RADIL: variants seen among roughly 807,000 people sequenced by gnomAD.
RADIL encodes the protein Rap associating with DIL domain, also known as ras-associating and dilute domain-containing protein.
RADIL carries 99 observed loss-of-function variants against 97.6 expected under a neutral mutation model. The observed-to-expected ratio is 1.01, with a 90% CI of 0.86 to 1.20. The LOEUF (loss-of-function observed/expected upper bound fraction) is 1.20. RADIL is among the 50% of genes most tolerant of loss of function. RADIL has a pLI of 0.00. For missense variants in RADIL, 1,765 were observed against 1,498.9 expected (o/e 1.18, Z -2.93); for synonymous variants, 803 against 691.8 (o/e 1.16, Z -2.52).
rs377751700 is a variant in RADIL at position 4,861,478 on chromosome 7, T to C, written c.535+16127A>G. On this transcript the variant is annotated intron_variant, in intron 2 of 14. Transcript: ENST00000399583. ...CGCACAAGGCGTCAATATCTGCGCC[T>C]TTCGTATGTACTCCTAATCTGTAAG... 3.5e-5 allele frequency: 56 copies of C among 1,614,020 alleles called. No homozygotes were observed. The African/African-American group carries it at 6.3e-4, about 18-fold the overall frequency.
In RADIL at chr7:4,807,126, G is replaced by C. The variant is rs759395032; in HGVS notation, c.2140-1410C>G. The stretch of plus-strand genomic sequence containing the variant: ...GTGGCCTCGCTGCTGGGTCCCCTCT[G>C]TTCTCACCTTTGCCTCCTCGCTCTG... On this transcript the variant is annotated intron_variant, in intron 9 of 14. Transcript: ENST00000399583. 3.9e-5 allele frequency among the ~76,000 whole-genome samples: 6 copies of C among 152,164 alleles called. No homozygotes were observed. In the East Asian group the frequency reaches 1.2e-3, roughly 29 times the overall value.
At chr7:4,810,768 T>C (rs886226317) in intron 9 of RADIL, among the ~76,000 whole-genome samples, 1 of 152,078 alleles carries the variant, frequency 6.6e-6, no homozygotes, top group African/African-American at 2.4e-5. Flanking sequence ...CACCTGAGGG[T>C]TCAAACCACT....
intron 9 of RADIL, chr7:4,809,279 C>T (rs145573894): frequency 0.025 from 24,593 of 985,380 alleles, 373 homozygotes; most frequent in Middle Eastern, 0.056. Context: ...CGGGGCCCCC[C>T]TTCCATCACG....
At chr7:4,826,043 GA>G (rs1007253294) in intron 5 of RADIL, among the ~76,000 whole-genome samples, 1 of 151,566 alleles carries the variant, frequency 6.6e-6, no homozygotes, top group Admixed American at 6.6e-5. Context: ...TGTCTCTACA[GA>G]AAAAATCAAA....
chr7:4,871,533 C>G (rs1374085561), intron 2 of RADIL, among the ~76,000 whole-genome samples: 1 of 152,206 alleles, frequency 6.6e-6, no homozygotes, highest in Non-Finnish European at 1.5e-5. Context: ...ACAACACAGA[C>G]CTGCCACCCG....
In RADIL at chr7:4,819,872, C is replaced by T. The variant is rs1357911105; in HGVS notation, c.1616-2521G>A. Among the ~76,000 whole-genome samples, 2 of 152,210 alleles carry T rather than the reference C, an allele frequency of 1.3e-5. No homozygotes were observed. The highest frequency in any genetic ancestry group is 3.9e-4 in the East Asian group (2 of 5,188). ...TCCCATCGCCGGGCCAAACACTGCT[C>T]AGGCCCCTGACCAAAAATAACTTCC... is the stretch of plus-strand genomic sequence containing the variant. On this transcript the variant is annotated intron_variant, in intron 6 of 14. Transcript: ENST00000399583. The surrounding 1 kb of genome is among the most constrained non-coding windows in gnomAD (Gnocchi z 5.8).
rs775667728 is a variant in RADIL, at chr7:4,799,775, G to A, written c.2983-6C>T. 3 of 1,518,270 alleles carry A rather than the reference G, an allele frequency of 2.0e-6. No individual in the cohort carries two copies. Among genetic ancestry groups the A allele is most frequent in the Middle Eastern group, 2.0e-4 (1 of 4,932 alleles). The allele number at this position is 1,518,270 out of a possible 1,614,324, so 94.0% of individuals were successfully genotyped here. A position where few individuals can be genotyped will look rare whatever the true frequency, so the allele number is the denominator to read the frequency against. On this transcript the variant is annotated splice_region_variant and splice_polypyrimidine_tract_variant and intron_variant, in intron 13 of 14. Coordinates refer to ENST00000399583, the MANE Select transcript of RADIL (RefSeq NM_018059.5). ...GGGGCGCCCAGGTGCGTGTGCTGGG[G>A]ACAAGCAGAGGCCTCAGAGCTCCGC...
chr7:4,865,600 G>C, intron 2 of RADIL: 1 of 803,502 alleles, frequency 1.2e-6, no homozygotes, highest in Non-Finnish European at 2.3e-6. Flanking sequence ...CAGTGATCTT[G>C]CTCTTGCTCC....
At chr7:4,800,362 C>T (rs3816853) in intron 12 of RADIL, 52 bp from the exon 13 acceptor site, 10 of 1,407,428 alleles carry the variant, frequency 7.1e-6, no homozygotes, top group South Asian at 3.1e-5. Flanking sequence ...GGAATCACGA[C>T]GAGGAATGGG....
In RADIL at chr7:4,832,198, G is replaced by GA; in HGVS notation, c.1417-21dup. On this transcript the variant is annotated intron_variant, in intron 4 of 14. Transcript: ENST00000399583. ...TTTCTCCTACAATTACAAAGCGGGA[G>GA]AAAAAGCAAGTGAGCAAAACAGGCT... The GA allele has an allele frequency of 6.2e-7, 1 of 1,608,468 alleles. No homozygotes were observed.
In RADIL at chr7:4,834,868, C is replaced by G. The variant is rs1053158267; in HGVS notation, c.1155G>C (p.Ala385=). The G allele has an allele frequency of 1.6e-5, 21 of 1,346,130 alleles. No homozygotes were observed. Among genetic ancestry groups the G allele is most frequent in the Admixed American group, 4.0e-5 (1 of 24,942 alleles). 83.4% of individuals were successfully genotyped at this position (1,346,130 alleles called of 1,614,324 possible). A position where few individuals can be genotyped will look rare whatever the true frequency, so the allele number is the denominator to read the frequency against. ...VPQSCRLCGA[A]LGARGAASPT... ...GGGAGGCGGCTCCCCGGGCCCCGAG[C>G]GCGGCCCCGCACAGCCGGCAGCTCT... The change falls in exon 4 of 15, where the codon GCG becomes GCC. Residue 385 remains alanine (A), a synonymous_variant. Coordinates refer to ENST00000399583, the MANE Select transcript of RADIL (RefSeq NM_018059.5). The surrounding 1 kb of genome is among the most constrained non-coding windows in gnomAD (Gnocchi z 6.0).
At position 4,817,109 on chromosome 7, in the gene RADIL, G is replaced by A. The variant is rs1324299868; in HGVS notation, c.1728+130C>T. On this transcript the variant is annotated intron_variant, in intron 7 of 14. Transcript: ENST00000399583. This position sits in a 1 kb window ranked among gnomAD's most constrained non-coding sequence, Gnocchi z 8.3. ...GAACCTGCAGCCACTGCTCCCTGAT[G>A]AAGTGGAGCTTGTCACGGTCCCCTC... 8.1e-6 allele frequency: 6 copies of A among 741,782 alleles called. No homozygotes were observed. The Admixed American group carries it at 1.3e-4, about 16-fold the overall frequency. 46.0% of individuals were successfully genotyped at this position (741,782 alleles called of 1,614,324 possible). A position where few individuals can be genotyped will look rare whatever the true frequency, so the allele number is the denominator to read the frequency against.
chr7:4,856,934 GAGA>G (rs1783847075), intron 2 of RADIL, among the ~76,000 whole-genome samples: 2 of 152,234 alleles, frequency 1.3e-5, no homozygotes, highest in African/African-American at 2.4e-5. Context: ...AGCTGTGACA[GAGA>G]CCGGATGGCT....
chr7:4,824,957 G>A lies in RADIL; in HGVS notation c.1455-2403C>T, dbSNP rs934033947. Among the ~76,000 whole-genome samples, 4 of 152,148 alleles carry A rather than the reference G, an allele frequency of 2.6e-5. No homozygotes were observed. Among genetic ancestry groups the A allele is most frequent in the African/African-American group, 4.8e-5 (2 of 41,426 alleles). On this transcript the variant is annotated intron_variant, in intron 5 of 14. Coordinates refer to ENST00000399583, the MANE Select transcript of RADIL (RefSeq NM_018059.5). This position sits in a 1 kb window ranked among gnomAD's most constrained non-coding sequence, Gnocchi z 6.7. ...CAACTGGAGTTTCGGGATCAGACTCGGGCCAGGTTGGCACTGAACGCGCCC... is the reference window on the plus strand; with the variant it reads ...CAACTGGAGTTTCGGGATCAGACTCAGGCCAGGTTGGCACTGAACGCGCCC...
intron 5 of RADIL, among the ~76,000 whole-genome samples, chr7:4,826,255 T>C (rs1782972892): frequency 1.3e-5 from 2 of 151,854 alleles, no homozygotes. Flanking sequence ...CAAAGAATGA[T>C]TTGAGACACA....
Position 4,803,620 on chromosome 7 carries a change from C to T in RADIL, c.2425G>A (p.Gly809Ser). ...CCGGGGCTGGCTCTGCTCCGCAGAC[C>T]CCACAGAAAGTGGCGGACGTAGAGC... is the stretch of plus-strand genomic sequence containing the variant. Reference protein sequence around the residue: ...HLLYVRHFLWGLRSRASPGSP... With the variant: ...HLLYVRHFLWSLRSRASPGSP... The change falls in exon 11 of 15, where the codon GGT becomes AGT. Residue 809 changes from glycine (G) to serine (S), a missense_variant. Gly to Ser is a moderately conservative substitution (Grantham distance 56). Coordinates refer to ENST00000399583, the MANE Select transcript of RADIL (RefSeq NM_018059.5). 6.5e-7 allele frequency: 1 copy of T among 1,549,810 alleles called. No homozygotes were observed. The highest frequency in any genetic ancestry group is 1.2e-5 in the South Asian group (1 of 84,048).
Position 4,817,807 on chromosome 7 carries a change from C to A in RADIL, c.1616-456G>T, listed in dbSNP as rs913985162. ...ATAAGTCTTTTGGGAAGAAAAAGCCCAAATCAGCTATTTCACCCCCACCCC... is the reference window on the plus strand; with the variant it reads ...ATAAGTCTTTTGGGAAGAAAAAGCCAAAATCAGCTATTTCACCCCCACCCC... On this transcript the variant is annotated intron_variant, in intron 6 of 14. Coordinates refer to ENST00000399583, the MANE Select transcript of RADIL (RefSeq NM_018059.5). The surrounding 1 kb of genome is among the most constrained non-coding windows in gnomAD (Gnocchi z 8.3). Among the ~76,000 whole-genome samples, 3 of 152,188 alleles carry A rather than the reference C, an allele frequency of 2.0e-5. No individual in the cohort carries two copies. The highest frequency in any genetic ancestry group is 7.2e-5 in the African/African-American group (3 of 41,460).
chr7:4,881,431 A>G (rs1319299322), intron 1 of RADIL, among the ~76,000 whole-genome samples: 3 of 144,158 alleles, frequency 2.1e-5, no homozygotes, highest in African/African-American at 5.2e-5. Flanking sequence ...AAAAAAAAAA[A>G]AAAGACAAAA....
At chr7:4,860,587 C>G in intron 2 of RADIL, 1 of 1,614,166 alleles carries the variant, frequency 6.2e-7, no homozygotes, top group Non-Finnish European at 8.5e-7. Context: ...TAAATTCATT[C>G]TTCTCCAAGC....
Sources: allele counts gnomAD v4.1 joint callset (sites outside exome capture counted in the v4.1 genomes callset), GRCh38; gene constraint gnomAD v4.1.1; non-coding constraint Gnocchi (gnomAD v3.1); transcripts MANE v1.5; gene names NCBI Gene and HGNC (gene_info 2026-07-23, HGNC 2026-07-21).